ARID5B: variants seen among roughly 807,000 people sequenced by gnomAD.
ARID5B encodes AT-rich interactive domain-containing protein 5B.
A neutral mutation model predicts 97.2 loss-of-function variants in ARID5B; 13 were observed. The observed-to-expected ratio is 0.13, with a 90% CI of 0.09 to 0.21. ARID5B has a LOEUF of 0.21. ARID5B is among the 10% of genes least tolerant of loss of function. The pLI, the probability that ARID5B is intolerant of heterozygous loss-of-function variation, is 1.00. For synonymous variants in ARID5B, 556 were observed against 570.3 expected, an observed-to-expected ratio of 0.97 and a Z score of 0.36; for missense variants, 1,210 against 1,465.3, an observed-to-expected ratio of 0.83 and a Z score of 2.84.
At chr10:61,958,973 T>C (rs1417780189) in intron 3 of ARID5B, among the ~76,000 whole-genome samples, 1 of 152,254 alleles carries the variant, frequency 6.6e-6, no homozygotes, top group Non-Finnish European at 1.5e-5. Context: ...ATGAAGACTG[T>C]CCAGGCCTAC....
At chr10:62,025,001 A>T in intron 4 of ARID5B, 1 of 215,872 alleles carries the variant, frequency 4.6e-6, no homozygotes, top group East Asian at 8.9e-5. Flanking sequence ...GTTTTCGTAG[A>T]ACATTATTTG....
At chr10:62,005,167 A>G (rs1839130727) in intron 4 of ARID5B, among the ~76,000 whole-genome samples, 1 of 152,220 alleles carries the variant, frequency 6.6e-6, no homozygotes, top group South Asian at 2.1e-4. Context: ...GAAAATACAC[A>G]TTCTGCTGGG....
At chr10:62,038,796 G>GT (rs1470305783) in intron 4 of ARID5B, among the ~76,000 whole-genome samples, 2 of 152,118 alleles carry the variant, frequency 1.3e-5, no homozygotes, top group African/African-American at 4.8e-5. Context: ...GTTTCTGCGG[G>GT]TTTTTTTGGT....
intron 3 of ARID5B, among the ~76,000 whole-genome samples, chr10:61,968,250 G>A (rs1051483443): frequency 2.0e-5 from 3 of 149,550 alleles, no homozygotes; most frequent in African/African-American, 7.4e-5. Flanking sequence ...ACCCCTTACC[G>A]ACAATGCCCT....
At chr10:62,074,540 T>C (rs994021485) in intron 8 of ARID5B, among the ~76,000 whole-genome samples, 2 of 151,276 alleles carry the variant, frequency 1.3e-5, no homozygotes, top group Non-Finnish European at 3.0e-5. Context: ...AAGATAAGCA[T>C]GTGCTTTAAG....
chr10:61,980,401 G>T (rs1838761325), intron 3 of ARID5B, among the ~76,000 whole-genome samples: 1 of 151,998 alleles, frequency 6.6e-6, no homozygotes, highest in African/African-American at 2.4e-5. Flanking sequence ...GCATCGCCTT[G>T]ATTTCTTCTT....
At chr10:61,990,474 GC>G (rs1249253345) in intron 3 of ARID5B, among the ~76,000 whole-genome samples, 4 of 152,200 alleles carry the variant, frequency 2.6e-5, no homozygotes, top group African/African-American at 9.6e-5. Flanking sequence ...TTGGTTCAGA[GC>G]CTGTGGTGAA....
intron 2 of ARID5B, among the ~76,000 whole-genome samples, chr10:61,928,481 T>G (rs1203064199): frequency 6.6e-6 from 1 of 151,994 alleles, no homozygotes; most frequent in Admixed American, 6.6e-5. Flanking sequence ...TTGTATTTTT[T>G]GTAGAGATTG....
intron 3 of ARID5B, among the ~76,000 whole-genome samples, chr10:61,992,643 T>A (rs1397899621): frequency 2.0e-5 from 3 of 152,220 alleles, no homozygotes; most frequent in Non-Finnish European, 4.4e-5. Flanking sequence ...TCGTTGCCTA[T>A]CCTGGGAAGA....
chr10:61,903,010 G>A (rs1291558874), intron 2 of ARID5B, among the ~76,000 whole-genome samples: 1 of 152,152 alleles, frequency 6.6e-6, no homozygotes, highest in African/African-American at 2.4e-5. Flanking sequence ...ATCTGCCCGG[G>A]CGGATTTCAA....
intron 2 of ARID5B, among the ~76,000 whole-genome samples, chr10:61,909,318 GTTTTTTTTTTT>G (rs777612375): frequency 2.6e-5 from 2 of 77,258 alleles, no homozygotes; most frequent in African/African-American, 5.2e-5. Context: ...TATTCAGTGA[GTTTTTTTTTTT>G]TTTTTTTTTT....
At chr10:62,090,802 T>C in intron 9 of ARID5B, 60 bp from the exon 10 acceptor site, 11 of 1,509,382 alleles carry the variant, frequency 7.3e-6, no homozygotes, top group Non-Finnish European at 9.7e-6. Context: ...TTTTATTTCA[T>C]AGCAAAACAT....
At chr10:62,020,912 A>G (rs1309680192) in intron 4 of ARID5B, among the ~76,000 whole-genome samples, 1 of 151,628 alleles carries the variant, frequency 6.6e-6, no homozygotes, top group African/African-American at 2.4e-5. Flanking sequence ...CCAAGCTGCC[A>G]TTTGCTGTAG....
In ARID5B at chr10:61,941,207, T is replaced by C. The variant is rs1402149903; in HGVS notation, c.502+799T>C. Among the ~76,000 whole-genome samples the C allele has an allele frequency of 3.3e-5, 5 of 150,976 alleles. No homozygotes were observed. The East Asian group carries it at 7.8e-4, about 24-fold the overall frequency. ...TGTGAGATAGAAGGGGTAGAGCACATTGACTGGCATAAAGGAGGGGCTTCA... is the reference window on the plus strand; with the variant it reads ...TGTGAGATAGAAGGGGTAGAGCACACTGACTGGCATAAAGGAGGGGCTTCA... On this transcript the variant is annotated intron_variant, in intron 3 of 9. Transcript: ENST00000279873.
chr10:61,965,814 A>C (rs1047570756), intron 3 of ARID5B, among the ~76,000 whole-genome samples: 1 of 152,214 alleles, frequency 6.6e-6, no homozygotes, highest in African/African-American at 2.4e-5. Context: ...ATTAGATTTG[A>C]GGCCATAATC....
chr10:62,064,764 T>TTGTTTG (rs1038354665), intron 7 of ARID5B, among the ~76,000 whole-genome samples: 1 of 152,106 alleles, frequency 6.6e-6, no homozygotes, highest in Admixed American at 6.5e-5. Context: ...TGTTGGTTTT[T>TTGTTTG]TGTTTGTTTT....
chr10:62,069,844 G>A (rs769578014), intron 8 of ARID5B, 47 bp downstream of exon 8: 3 of 1,573,530 alleles, frequency 1.9e-6, no homozygotes, highest in South Asian at 2.2e-5. Context: ...TGTGTTAATT[G>A]AAAGGAGCTT....
At chr10:61,979,975 C>T (rs921912571) in intron 3 of ARID5B, among the ~76,000 whole-genome samples, 2 of 152,112 alleles carry the variant, frequency 1.3e-5, no homozygotes, top group African/African-American at 2.4e-5. Context: ...TGCCTGTAAT[C>T]CCAGTTACTC....
intron 4 of ARID5B, among the ~76,000 whole-genome samples, chr10:62,050,334 A>G (rs1437570094): frequency 1.3e-5 from 2 of 152,338 alleles, no homozygotes; most frequent in African/African-American, 4.8e-5. Flanking sequence ...AATATATGTA[A>G]TAATGTTTTC....
Sources: gnomAD v4.1 joint callset for allele counts (sites outside exome capture counted in the v4.1 genomes callset) on GRCh38, gnomAD v4.1.1 for gene constraint, MANE v1.5 for transcripts, NCBI Gene and HGNC (gene_info 2026-07-23, HGNC 2026-07-21) for gene names.